The following DST variants were observed in gnomAD, a reference collection of about 807,000 sequenced individuals.
DST encodes bullous pemphigoid antigen.
In DST, 253 loss-of-function variants were observed where a neutral mutation model predicts 875.2. The observed-to-expected ratio is 0.29, with a 90% confidence interval of 0.26 to 0.32. DST has a LOEUF of 0.32. Ranked by LOEUF, DST falls within the 10% of genes least tolerant of loss-of-function variation. The pLI is 1.00. For missense variants in DST, 8,287 were observed against 9,111.6 expected (o/e 0.91, Z 3.68); for synonymous variants, 3,124 against 3,197.1 (o/e 0.98, Z 0.77).
chr6:56,813,192 CA>C (rs1275913659), intron 4 of DST, among the ~76,000 whole-genome samples: 8 of 133,060 alleles, frequency 6.0e-5, no homozygotes, highest in Non-Finnish European at 1.1e-4. Context: ...AATGAGAACA[CA>C]TGGACACAGG....
At chr6:56,584,723 T>C (rs1349881628) in intron 49 of DST, among the ~76,000 whole-genome samples, 2 of 152,118 alleles carry the variant, frequency 1.3e-5, no homozygotes, top group Admixed American at 6.5e-5. Flanking sequence ...TGATATTGGC[T>C]GTGGGTCTGT....
intron 2 of DST, among the ~76,000 whole-genome samples, chr6:56,901,783 C>A (rs914878568): frequency 6.6e-6 from 1 of 152,062 alleles, no homozygotes; most frequent in East Asian, 1.9e-4. Context: ...ACAACTCAGA[C>A]AACGGAAACA....
rs779105656 is a variant in DST, at chr6:56,604,673, T to C, written c.9955A>G (p.Lys3319Glu). The C allele has an allele frequency of 1.2e-6, 2 of 1,611,894 alleles. No homozygotes were observed. Among genetic ancestry groups the C allele is most frequent in the Non-Finnish European group, 1.7e-6 (2 of 1,178,696 alleles). Residue 3319 changes from lysine (K) to glutamate (E), a missense_variant, in exon 40 of 104, where the codon AAG becomes GAG. Around this residue, in one of 10 missense-constraint regions of DST, gnomAD observed 3,138 missense variants for 3,116.6 expected, o/e 1.01. Transcript: ENST00000680361. Reference sequence around the variant, plus strand: ...AGCTGTTGCTCAATTCTTTCTTTCTTATTATTAATTTCTAAGAATGAATAG... The same window carrying C: ...AGCTGTTGCTCAATTCTTTCTTTCTCATTATTAATTTCTAAGAATGAATAG... ...TDYSFLEINN[K>E]KERIEQQLPK...
In DST at chr6:56,654,586, C is replaced by T. The variant is rs573640695; in HGVS notation, c.1215-3342G>A. Reference sequence around the variant, plus strand: ...TCTTAAAAGAGCAATCTCCCCTAGGCTATATATATATATATATATCTCCAC... The same window carrying T: ...TCTTAAAAGAGCAATCTCCCCTAGGTTATATATATATATATATATCTCCAC... On this transcript the variant is annotated intron_variant, in intron 10 of 103. Transcript: ENST00000680361. Among the ~76,000 whole-genome samples the T allele has an allele frequency of 2.7e-4, 36 of 133,328 alleles. 1 individual carries two copies. Among genetic ancestry groups the T allele is most frequent in the African/African-American group, 1.2e-3 (34 of 29,042 alleles). 87.5% of individuals were successfully genotyped at this position (133,328 alleles called of 152,430 possible).
At chr6:56,503,969 T>A in intron 78 of DST, 28 bp downstream of exon 78, 2 of 1,507,030 alleles carry the variant, frequency 1.3e-6, no homozygotes. Context: ...TGCAAGGGAG[T>A]CTTCGATAAA....
intron 94 of DST, 40 bp from the exon 95 acceptor site, chr6:56,471,308 A>T: frequency 6.8e-7 from 1 of 1,476,926 alleles, no homozygotes; most frequent in Non-Finnish European, 9.2e-7. Flanking sequence ...TTAATGCTGT[A>T]CTAAAATTGT....
At chr6:56,541,458 T>C (rs1459294356) in intron 61 of DST, 2 of 152,818 alleles carry the variant, frequency 1.3e-5, no homozygotes, top group East Asian at 3.9e-4. Context: ...GTATCATAGA[T>C]TGACCGCTGT....
At chr6:56,535,021 T>C in intron 63 of DST, 101 bp downstream of exon 63, 1 of 1,348,466 alleles carries the variant, frequency 7.4e-7, no homozygotes, top group East Asian at 2.4e-5. Flanking sequence ...AACAACCGGT[T>C]AACTAGGTTA....
chr6:56,607,972 A>T lies in DST; in HGVS notation c.6656T>A (p.Leu2219His). 6.2e-7 allele frequency: 1 copy of T among 1,613,624 alleles called. No homozygotes were observed. ...SYMDANTGQR[L>H]LLYDGDLDEA... ...ATCCAAGTCTCCATCGTACAGCAAAAGCCTTTGCCCTGTGTTTGCATCCAT... is the reference window on the plus strand; with the variant it reads ...ATCCAAGTCTCCATCGTACAGCAAATGCCTTTGCCCTGTGTTTGCATCCAT... Residue 2219 changes from leucine (L) to histidine (H), a missense_variant, in exon 40 of 104, where the codon CTT (leucine) becomes CAT (histidine). Coordinates refer to ENST00000680361, the MANE Select transcript of DST (RefSeq NM_001374736.1).
rs146096896 is a variant in DST at position 56,498,036 on chromosome 6, T to C, written c.19914A>G (p.Val6638=). 247 of 1,612,342 alleles carry C rather than the reference T, an allele frequency of 1.5e-4. No individual in the cohort carries two copies. In the African/African-American group the frequency reaches 3.1e-3, roughly 20 times the overall value. ...LAKHHVLQND[V]LAHQSTVEAV... ...CTTCCACTGTGGACTGATGGGCTAA[T>C]ACATCATTTTGGAGCACCTGAAAAT... Residue 6638 remains valine (V), a synonymous_variant, in exon 81 of 104, where the codon GTA becomes GTG. Transcript: ENST00000680361.
intron 102 of DST, chr6:56,460,619 A>G: frequency 6.2e-6 from 1 of 161,486 alleles, no homozygotes; most frequent in Non-Finnish European, 1.4e-5. Context: ...ATTGCTAAAA[A>G]GATGGTGACT....
At chr6:56,746,546 G>T (rs1359126087) in intron 4 of DST, among the ~76,000 whole-genome samples, 1 of 151,922 alleles carries the variant, frequency 6.6e-6, no homozygotes, top group Non-Finnish European at 1.5e-5. Context: ...CACAAAAGAG[G>T]TTTACAAGAT....
chr6:56,844,562 A>ATGTAAATG (rs1562145094), intron 4 of DST, among the ~76,000 whole-genome samples: 1 of 152,196 alleles, frequency 6.6e-6, no homozygotes, highest in Non-Finnish European at 1.5e-5. Flanking sequence ...ATACCCAGGC[A>ATGTAAATG]TGTAAATGGA....
At chr6:56,516,059 T>TAC (rs950567611) in intron 71 of DST, among the ~76,000 whole-genome samples, 10 of 151,738 alleles carry the variant, frequency 6.6e-5, no homozygotes, top group Admixed American at 2.0e-4. Context: ...ATTATATATA[T>TAC]ACACACACAC....
chr6:56,873,603 T>G (rs1025828533), intron 3 of DST, among the ~76,000 whole-genome samples: 17 of 152,178 alleles, frequency 1.1e-4, no homozygotes, highest in Non-Finnish European at 2.5e-4. Flanking sequence ...TTAAGTGCAG[T>G]AAGCCAAGCA....
chr6:56,489,605 T>C lies in DST; in HGVS notation c.20762A>G (p.His6921Arg), dbSNP rs199735544. The C allele has an allele frequency of 2.2e-5, 36 of 1,609,798 alleles. No homozygotes were observed. The East Asian group carries it at 6.7e-4, about 30-fold the overall frequency. ...DDARKRAKQFHEAWSKLMEWL... is the reference protein window; with the variant it reads ...DDARKRAKQFREAWSKLMEWL... ...CTCCATAAGTTTACTCCAAGCTTCATGGAACTAGAAAGAAATTCACACCTT... is the reference window on the plus strand; with the variant it reads ...CTCCATAAGTTTACTCCAAGCTTCACGGAACTAGAAAGAAATTCACACCTT... The change falls in exon 86 of 104, where the codon CAT becomes CGT. Residue 6921 changes from histidine to arginine, a missense_variant. Physicochemically the swap from His to Arg is conservative, Grantham distance 29. Around this residue, in one of 10 missense-constraint regions of DST, gnomAD observed 1,292 missense variants for 1,552.7 expected, o/e 0.83. Transcript: ENST00000680361.
At chr6:56,503,135 T>G (rs1165811297) in intron 78 of DST, among the ~76,000 whole-genome samples, 3 of 152,046 alleles carry the variant, frequency 2.0e-5, no homozygotes, top group Non-Finnish European at 4.4e-5. Flanking sequence ...CTAAATTAAT[T>G]ACTCAGAACA....
intron 36 of DST, among the ~76,000 whole-genome samples, chr6:56,621,134 C>T (rs1210300323): frequency 6.6e-6 from 1 of 152,044 alleles, no homozygotes; most frequent in Non-Finnish European, 1.5e-5. Context: ...CAACATAATC[C>T]TAAGAGGTAG....
chr6:56,757,938 C>T (rs2099608083), intron 4 of DST, among the ~76,000 whole-genome samples: 1 of 152,116 alleles, frequency 6.6e-6, no homozygotes, highest in South Asian at 2.1e-4. Context: ...AAAATAGAAC[C>T]AATATTAGCC....
Sources: gnomAD v4.1 joint callset for allele counts (sites outside exome capture counted in the v4.1 genomes callset) on GRCh38, gnomAD v4.1.1 for gene constraint, gnomAD v4.1.1 regional missense constraint, MANE v1.5 for transcripts, NCBI Gene and HGNC (gene_info 2026-07-23, HGNC 2026-07-21) for gene names.